NSD1: variants seen among roughly 807,000 people sequenced by gnomAD.
The protein encoded by NSD1 is histone-lysine N-methyltransferase, H3 lysine-36 specific.
Under a neutral mutation model 242.7 loss-of-function variants are expected in NSD1, and 26 were observed. That is an observed-to-expected ratio of 0.11 (90% confidence interval 0.08 to 0.15). The LOEUF (loss-of-function observed/expected upper bound fraction) is 0.15. NSD1 is among the 10% of genes least tolerant of loss of function. The probability of loss-of-function intolerance (pLI) is 1.00; values close to 1 mark genes in which losing one functional copy is unlikely to be tolerated. For synonymous variants in NSD1, 1,106 were observed against 1,178.1 expected (o/e 0.94, Z 1.25); for missense variants, 2,495 against 3,272.8 (o/e 0.76, Z 5.80).
intron 20 of NSD1, among the ~76,000 whole-genome samples, chr5:177,285,081 A>G (rs1276267856): frequency 1.3e-5 from 2 of 152,210 alleles, no homozygotes; most frequent in African/African-American, 4.8e-5. Flanking sequence ...AACCAGGACA[A>G]ATAGTAAGAA....
chr5:177,234,598 C>G (rs1466537445), intron 5 of NSD1, among the ~76,000 whole-genome samples: 2 of 152,120 alleles, frequency 1.3e-5, no homozygotes, highest in Non-Finnish European at 2.9e-5. Flanking sequence ...CGCCTGTAAT[C>G]CCAGCTACTC....
At chr5:177,159,032 T>TATATATATATATATATATATATGAATG (rs1562132706) in intron 2 of NSD1, among the ~76,000 whole-genome samples, 1 of 104,092 alleles carries the variant, frequency 9.6e-6, no homozygotes, top group African/African-American at 3.2e-5. Flanking sequence ...ATATGAATGA[T>TATATATATATATATATATATATGAATG]ATATATATAT....
chr5:177,165,883 G>T (rs1315017081), intron 2 of NSD1, among the ~76,000 whole-genome samples: 1 of 151,036 alleles, frequency 6.6e-6, no homozygotes, highest in African/African-American at 2.4e-5. Context: ...GGGATTATGC[G>T]CATGATCGCT....
chr5:177,210,001 C>T lies in NSD1; in HGVS notation c.1602C>T (p.Gly534=), dbSNP rs1763203354. ...ERRGKIPENL[G]LNFISGDISD... Reference sequence around the variant, plus strand: ...GGGGAAAGATTCCAGAGAACCTTGGCCTAAACTTTATCTCTGGGGATATAT... The same window carrying T: ...GGGGAAAGATTCCAGAGAACCTTGGTCTAAACTTTATCTCTGGGGATATAT... Residue 534 remains glycine, a synonymous_variant, in exon 5 of 23, where the codon GGC becomes GGT. Coordinates refer to ENST00000439151, the MANE Select transcript of NSD1 (RefSeq NM_022455.5). 1 of 1,614,102 alleles carries T rather than the reference C, an allele frequency of 6.2e-7. No homozygotes were observed. The highest frequency in any genetic ancestry group is 8.5e-7 in the Non-Finnish European group (1 of 1,180,020).
At chr5:177,208,078 T>C (rs1763041728) in intron 4 of NSD1, among the ~76,000 whole-genome samples, 1 of 152,188 alleles carries the variant, frequency 6.6e-6, no homozygotes, top group Non-Finnish European at 1.5e-5. Context: ...TCTGAATGTT[T>C]ACTTGCTCTG....
chr5:177,199,274 T>A (rs1411813475), intron 3 of NSD1, among the ~76,000 whole-genome samples: 1 of 152,246 alleles, frequency 6.6e-6, no homozygotes, highest in Non-Finnish European at 1.5e-5. Context: ...ATTTTTTTTT[T>A]AGAGGCAGGG....
intron 18 of NSD1, among the ~76,000 whole-genome samples, chr5:177,282,014 G>A (rs927140763): frequency 6.6e-6 from 1 of 152,214 alleles, no homozygotes; most frequent in South Asian, 2.1e-4. Context: ...AAGCCCTGCA[G>A]GTTAGGAGTG....
intron 22 of NSD1, among the ~76,000 whole-genome samples, chr5:177,292,905 T>A (rs1759955715): frequency 6.6e-6 from 1 of 152,186 alleles, no homozygotes; most frequent in Non-Finnish European, 1.5e-5. Flanking sequence ...GATTATACAT[T>A]ACTAGTGACC....
chr5:177,201,513 C>G (rs1762505857), intron 3 of NSD1, among the ~76,000 whole-genome samples: 1 of 149,272 alleles, frequency 6.7e-6, no homozygotes, highest in African/African-American at 2.5e-5. Flanking sequence ...TCATTCATGC[C>G]TTTGAGGGTT....
At chr5:177,175,880 T>C (rs1031130251) in intron 2 of NSD1, among the ~76,000 whole-genome samples, 3 of 141,058 alleles carry the variant, frequency 2.1e-5, no homozygotes, top group Admixed American at 1.4e-4. Context: ...GCAAAAATTC[T>C]TTTTTTTTTT....
chr5:177,193,210 G>A lies in NSD1; in HGVS notation c.1063+1191G>A, dbSNP rs191479123. On this transcript the variant is annotated intron_variant, in intron 3 of 22. Coordinates refer to ENST00000439151, the MANE Select transcript of NSD1 (RefSeq NM_022455.5). The stretch of plus-strand genomic sequence containing the variant: ...GGCTGGAGTGCAGTGGCGTGATCTC[G>A]GCTCACTGCAAGCTCTGCCTGCTGG... Among the ~76,000 whole-genome samples the A allele has an allele frequency of 2.4e-3, 363 of 151,978 alleles. 3 individuals carry two copies. In the Middle Eastern group the frequency reaches 0.048, roughly 20 times the overall value.
chr5:177,173,097 T>C lies in NSD1; in HGVS notation c.928-18787T>C, dbSNP rs181305650. 3.8e-3 allele frequency among the ~76,000 whole-genome samples: 577 copies of C among 150,742 alleles called. 1 individual carries two copies. Among genetic ancestry groups the C allele is most frequent in the Admixed American group, 8.7e-3 (131 of 15,068 alleles). On this transcript the variant is annotated intron_variant, in intron 2 of 22. Coordinates refer to ENST00000439151, the MANE Select transcript of NSD1 (RefSeq NM_022455.5). ...TCACGAGGTCAGGAGATCGAAACCA[T>C]CCTGGCTAACACAGTAAAACCTGTC...
intron 20 of NSD1, 103 bp from the exon 21 acceptor site, chr5:177,288,716 T>A (rs1016967528): frequency 2.1e-5 from 18 of 841,140 alleles, no homozygotes; most frequent in Non-Finnish European, 3.5e-5. Flanking sequence ...AAATTCTTTT[T>A]AAAATTAATC....
At position 177,203,208 on chromosome 5, in the gene NSD1, CAT is replaced by C. The variant is rs202123854; in HGVS notation, c.1064-911_1064-910del. On this transcript the variant is annotated intron_variant, in intron 3 of 22. Transcript: ENST00000439151. ...TTATTAAAAGTGACAAATTGTTAAA[CAT>C]GTGTTGTCCTGACTTTCTTTTGTGA... 6.8e-3 allele frequency among the ~76,000 whole-genome samples: 1,032 copies of C among 152,022 alleles called. 10 individuals carry two copies. The highest frequency in any genetic ancestry group is 0.044 in the Middle Eastern group (13 of 294).
At chr5:177,187,185 A>G (rs1028631797) in intron 2 of NSD1, among the ~76,000 whole-genome samples, 1 of 146,500 alleles carries the variant, frequency 6.8e-6, no homozygotes, top group African/African-American at 2.5e-5. Context: ...GCTCACTGCA[A>G]CCTCCGCCTC....
intron 2 of NSD1, among the ~76,000 whole-genome samples, chr5:177,188,827 A>T (rs188172465): frequency 3.9e-5 from 6 of 152,048 alleles, no homozygotes; most frequent in Non-Finnish European, 8.8e-5. Context: ...CTTGGTGGAT[A>T]TTAACTTTTG....
intron 2 of NSD1, among the ~76,000 whole-genome samples, chr5:177,159,580 G>A (rs144853198): frequency 1.2e-3 from 182 of 150,184 alleles, no homozygotes; most frequent in Middle Eastern, 7.0e-3. Context: ...CACCAAGTCT[G>A]GCCTAAGTCT....
intron 8 of NSD1, among the ~76,000 whole-genome samples, chr5:177,240,576 G>A (rs1765777088): frequency 6.6e-6 from 1 of 152,076 alleles, no homozygotes; most frequent in Non-Finnish European, 1.5e-5. Context: ...AGCTGGGCGT[G>A]GTGGCAGGCG....
chr5:177,192,098 TA>T (rs2149821494), intron 3 of NSD1, 79 bp downstream of exon 3: 2 of 1,264,812 alleles, frequency 1.6e-6, no homozygotes, highest in Non-Finnish European at 2.2e-6. Context: ...AATAATAATA[TA>T]TTTTTTTCCT....
Sources: gnomAD v4.1 joint callset for allele counts (sites outside exome capture counted in the v4.1 genomes callset) on GRCh38, gnomAD v4.1.1 for gene constraint, MANE v1.5 for transcripts, NCBI Gene and HGNC (gene_info 2026-07-23, HGNC 2026-07-21) for gene names.